SMU1: variants seen among roughly 807,000 people sequenced by gnomAD.
SMU1 encodes SMU1 DNA replication regulator and spliceosomal factor, also known as WD40 repeat-containing protein SMU1.
SMU1 carries 2 observed loss-of-function variants against 62.0 expected under a neutral mutation model. The ratio of observed to expected loss-of-function variants is 0.03; its 90% CI spans 0.01 to 0.10. SMU1 has a LOEUF of 0.10. Among genes scored for constraint, SMU1 ranks in the 10% least tolerant of loss-of-function variants. SMU1 has a pLI of 1.00. For synonymous variants in SMU1, 188 were observed against 212.4 expected (o/e 0.89, Z 1.00); for missense variants, 227 against 622.1 (o/e 0.36, Z 6.76).
intron 4 of SMU1, among the ~76,000 whole-genome samples, chr9:33,062,718 T>C (rs191377134): frequency 9.1e-4 from 139 of 152,334 alleles, no homozygotes; most frequent in Non-Finnish European, 5.0e-4. Flanking sequence ...ACATTTACAC[T>C]GCTTCCAATT....
chr9:33,074,621 TA>T (rs1564026138), intron 1 of SMU1, among the ~76,000 whole-genome samples: 1 of 151,896 alleles, frequency 6.6e-6, no homozygotes, highest in African/African-American at 2.4e-5. Flanking sequence ...AAAAAATAAA[TA>T]AAATAAAACC....
At position 33,074,532 on chromosome 9, in the gene SMU1, T is replaced by G. The variant is rs545821857; in HGVS notation, c.27-726A>C. ...AGCTGGGGTGGGAGGATTGCTTGTATCCATAAGGTTGAGGCTGCAGTGAGC... is the reference window on the plus strand; with the variant it reads ...AGCTGGGGTGGGAGGATTGCTTGTAGCCATAAGGTTGAGGCTGCAGTGAGC... On this transcript the variant is annotated intron_variant, in intron 1 of 11. Coordinates refer to ENST00000397149, the MANE Select transcript of SMU1 (RefSeq NM_018225.3). Among the ~76,000 whole-genome samples, 112 of 152,114 alleles carry G rather than the reference T, an allele frequency of 7.4e-4. No individual in the cohort carries two copies. The Middle Eastern group carries it at 0.014, about 18-fold the overall frequency.
At chr9:33,066,312 G>A (rs1395038055) in intron 4 of SMU1, among the ~76,000 whole-genome samples, 2 of 152,042 alleles carry the variant, frequency 1.3e-5, no homozygotes, top group East Asian at 1.9e-4. Flanking sequence ...AAAGATACAC[G>A]GTATTACAGA....
intron 10 of SMU1, among the ~76,000 whole-genome samples, chr9:33,051,001 G>A (rs111536227): frequency 2.0e-5 from 2 of 98,312 alleles, no homozygotes; most frequent in Admixed American, 1.1e-4. Flanking sequence ...GGCGCCTGTA[G>A]TCCCAGCTAC....
Position 33,043,086 on chromosome 9 carries a change from G to T in SMU1, c.*4207C>A, listed in dbSNP as rs1033678588. On this transcript the variant is annotated 3_prime_UTR_variant, in exon 12 of 12. Transcript: ENST00000397149. ...CTGACCTCGTGATCCACCCACCTCGGCCTCCCAAAGTGCTGGGATTACAGG... is the reference window on the plus strand; with the variant it reads ...CTGACCTCGTGATCCACCCACCTCGTCCTCCCAAAGTGCTGGGATTACAGG... The T allele has an allele frequency of 6.6e-6, 1 of 152,396 alleles. No homozygotes were observed. The highest frequency in any genetic ancestry group is 1.5e-5 in the Non-Finnish European group (1 of 68,136). The allele number at this position is 152,396 out of a possible 1,614,324, so 9.4% of individuals were successfully genotyped here.
chr9:33,054,285 G>C (rs3177671), intron 9 of SMU1, among the ~76,000 whole-genome samples: 2 of 151,852 alleles, frequency 1.3e-5, no homozygotes, highest in Admixed American at 6.6e-5. Context: ...TTCTGAGTAC[G>C]GGACTACAGG....
rs997593813 is a variant in SMU1 at position 33,060,596 on chromosome 9, G to GA, written c.631-13dup. 1.2e-6 allele frequency: 2 copies of GA among 1,601,268 alleles called. No individual in the cohort carries two copies. Among genetic ancestry groups the GA allele is most frequent in the African/African-American group, 1.4e-5 (1 of 74,004 alleles). ...GATTTCTGACCAAACTGTTTCAAATGAAACAATGAAACAGATGCATTTTTA... is the reference window on the plus strand; with the variant it reads ...GATTTCTGACCAAACTGTTTCAAATGAAAACAATGAAACAGATGCATTTTTA... On this transcript the variant is annotated splice_polypyrimidine_tract_variant and intron_variant, in intron 5 of 11. Transcript: ENST00000397149.
intron 9 of SMU1, 75 bp from the exon 10 acceptor site, chr9:33,053,365 AAC>A: frequency 7.3e-7 from 1 of 1,375,642 alleles, no homozygotes. Flanking sequence ...TTAAAATATT[AAC>A]AGTTTACTAA....
At chr9:33,059,617 T>TC (rs981262326) in intron 6 of SMU1, among the ~76,000 whole-genome samples, 2 of 145,054 alleles carry the variant, frequency 1.4e-5, no homozygotes, top group African/African-American at 5.0e-5. Flanking sequence ...TTTTGTTTTT[T>TC]CCCCCGAGAT....
At position 33,065,588 on chromosome 9, in the gene SMU1, G is replaced by A. The variant is rs547878430; in HGVS notation, c.501+3236C>T. Reference sequence around the variant, plus strand: ...AAACCGAAACCTAATTGTACAAGGTGAAGAAGGGGAAGCCACAAGAAGCAA... The same window carrying A: ...AAACCGAAACCTAATTGTACAAGGTAAAGAAGGGGAAGCCACAAGAAGCAA... On this transcript the variant is annotated intron_variant, in intron 4 of 11. Coordinates refer to ENST00000397149, the MANE Select transcript of SMU1 (RefSeq NM_018225.3). Among the ~76,000 whole-genome samples the A allele has an allele frequency of 4.6e-4, 70 of 152,290 alleles. 1 individual carries two copies. Among genetic ancestry groups the A allele is most frequent in the Non-Finnish European group, 6.9e-4 (47 of 68,020 alleles).
chr9:33,062,027 G>A (rs906037254), intron 5 of SMU1, 22 bp downstream of exon 5: 7 of 1,610,456 alleles, frequency 4.3e-6, no homozygotes, highest in Non-Finnish European at 5.9e-6. Flanking sequence ...TTACTGACTG[G>A]CTGAATGTCT....
chr9:33,062,266 G>A (rs1839371247), intron 4 of SMU1, 89 bp from the exon 5 acceptor site: 2 of 1,496,062 alleles, frequency 1.3e-6, no homozygotes, highest in Admixed American at 2.2e-5. Context: ...GAAAGGATGA[G>A]GTTCAGAGAA....
intron 9 of SMU1, among the ~76,000 whole-genome samples, chr9:33,055,088 T>A (rs1026031951): frequency 2.0e-5 from 3 of 152,166 alleles, no homozygotes; most frequent in African/African-American, 7.2e-5. Flanking sequence ...GGAGCATACA[T>A]CTCCTGCCTT....
Position 33,047,023 on chromosome 9 carries a change from G to T in SMU1, c.*270C>A, listed in dbSNP as rs1839193498. 2 of 271,456 alleles carry T rather than the reference G, an allele frequency of 7.4e-6. No homozygotes were observed. Among genetic ancestry groups the T allele is most frequent in the Admixed American group, 5.3e-5 (1 of 18,856 alleles). 16.8% of individuals were successfully genotyped at this position (271,456 alleles called of 1,614,324 possible). A position where few individuals can be genotyped will look rare whatever the true frequency, so the allele number is the denominator to read the frequency against. On this transcript the variant is annotated 3_prime_UTR_variant, in exon 12 of 12. Transcript: ENST00000397149. ...ATCAGAGGAGTAGAATTTTTTTCTA[G>T]AAATATCAGTATTTCACTCTCCAGG...
Position 33,055,272 on chromosome 9 carries a change from G to C in SMU1, c.1122+841C>G, listed in dbSNP as rs537673497. On this transcript the variant is annotated intron_variant, in intron 9 of 11. Transcript: ENST00000397149. ...GCTCAATGCAGCCTCAAACTCCTGG[G>C]TTCGAGTGATCCTTTCACCTCAGCC... Among the ~76,000 whole-genome samples the C allele has an allele frequency of 2.6e-5, 4 of 152,242 alleles. No individual in the cohort carries two copies. In the South Asian group the frequency reaches 6.2e-4, roughly 24 times the overall value.
At chr9:33,047,958 G>T in intron 11 of SMU1, 148 bp downstream of exon 11, 3 of 616,008 alleles carry the variant, frequency 4.9e-6, no homozygotes, top group Non-Finnish European at 7.7e-6. Context: ...TTTACTTCTT[G>T]AATTTGACAT....
chr9:33,071,767 CA>C lies in SMU1; in HGVS notation c.362del (p.Leu121TrpfsTer29). On this transcript the variant is annotated frameshift_variant, in exon 3 of 12. Transcript: ENST00000397149. LOFTEE classifies it high-confidence loss of function. ...CACGAGGATCAAAGTAAGACCTGGC[CA>C]AAAGGTTCTCCAGATGAATATATCG... ...PERYIHLENL[L>X]ARSYFDPREA... 6.2e-7 allele frequency: 1 copy of C among 1,611,802 alleles called. No homozygotes were observed. Among genetic ancestry groups the C allele is most frequent in the Non-Finnish European group, 8.5e-7 (1 of 1,179,330 alleles).
Position 33,062,801 on chromosome 9 carries a change from C to T in SMU1, c.502-624G>A, listed in dbSNP as rs114131029. ...CTTTTTCTATTTTGGGGATATTCCC[C>T]TCCTAGGGTATATTCCTGGAAAAGA... is the stretch of plus-strand genomic sequence containing the variant. On this transcript the variant is annotated intron_variant, in intron 4 of 11. Transcript: ENST00000397149. Among the ~76,000 whole-genome samples, 251 of 152,208 alleles carry T rather than the reference C, an allele frequency of 1.6e-3. 1 individual carries two copies. Among genetic ancestry groups the T allele is most frequent in the African/African-American group, 5.9e-3 (245 of 41,528 alleles).
intron 4 of SMU1, among the ~76,000 whole-genome samples, chr9:33,067,976 T>C (rs1839441634): frequency 6.6e-6 from 1 of 152,234 alleles, no homozygotes; most frequent in Non-Finnish European, 1.5e-5. Context: ...ATAATGACCA[T>C]GCTGGCAACA....
Sources: allele counts gnomAD v4.1 joint callset (sites outside exome capture counted in the v4.1 genomes callset), GRCh38; gene constraint gnomAD v4.1.1; transcripts MANE v1.5; gene names NCBI Gene and HGNC (gene_info 2026-07-23, HGNC 2026-07-21).